Variants in MMP20 observed in about 807,000 individuals in gnomAD.
MMP20 encodes the protein matrix metalloproteinase-20.
A neutral mutation model predicts 51.8 loss-of-function variants in MMP20; 50 were observed. The ratio of observed to expected loss-of-function variants is 0.97; its 90% CI spans 0.77 to 1.22. The LOEUF (loss-of-function observed/expected upper bound fraction) is 1.22, where lower values mean the gene tolerates loss of function less well. Among genes scored for constraint, MMP20 ranks in the 50% most tolerant of loss-of-function variants. MMP20 has a pLI of 0.00. For synonymous variants in MMP20, 244 were observed against 216.2 expected (o/e 1.13, Z -1.13); for missense variants, 663 against 601.4 (o/e 1.10, Z -1.07).
At chr11:102,596,980 C>T (rs974163182) in intron 6 of MMP20, among the ~76,000 whole-genome samples, 3 of 152,152 alleles carry the variant, frequency 2.0e-5, no homozygotes, top group African/African-American at 7.2e-5. Context: ...CAAGTGTGTT[C>T]CAATTAATGC....
Position 102,620,955 on chromosome 11 carries a change from G to C in MMP20, c.127-3896C>G, listed in dbSNP as rs184696099. Among the ~76,000 whole-genome samples the C allele has an allele frequency of 3.9e-5, 6 of 152,314 alleles. 1 individual carries two copies. In the East Asian group the frequency reaches 1.2e-3, roughly 29 times the overall value. ...TTATTCAGCAGCTCTCTCATCAGCAGCTTTCTCACACTGTCCGCCCTGTTT... is the reference window on the plus strand; with the variant it reads ...TTATTCAGCAGCTCTCTCATCAGCACCTTTCTCACACTGTCCGCCCTGTTT... On this transcript the variant is annotated intron_variant, in intron 1 of 9. Coordinates refer to ENST00000260228, the MANE Select transcript of MMP20 (RefSeq NM_004771.4).
intron 8 of MMP20, among the ~76,000 whole-genome samples, chr11:102,590,124 T>A (rs968680549): frequency 1.3e-5 from 2 of 152,200 alleles, no homozygotes; most frequent in Non-Finnish European, 2.9e-5. Context: ...TGACACCCCC[T>A]GCTGCCAGAA....
At chr11:102,602,111 G>A (rs1425835148) in intron 6 of MMP20, among the ~76,000 whole-genome samples, 3 of 123,746 alleles carry the variant, frequency 2.4e-5, no homozygotes, top group Admixed American at 9.0e-5. Context: ...CACCACGCCC[G>A]GCTAATTTTT....
chr11:102,622,745 G>C (rs1490874133), intron 1 of MMP20, among the ~76,000 whole-genome samples: 2 of 152,192 alleles, frequency 1.3e-5, no homozygotes, highest in African/African-American at 4.8e-5. Flanking sequence ...CATAAGAACA[G>C]GGGCTTGATT....
chr11:102,620,993 C>G (rs1318406134), intron 1 of MMP20, among the ~76,000 whole-genome samples: 3 of 152,220 alleles, frequency 2.0e-5, no homozygotes, highest in African/African-American at 7.2e-5. Context: ...GCTGCTTGAG[C>G]CGGCTGCTCC....
At chr11:102,612,912 T>C (rs1859621596) in intron 2 of MMP20, among the ~76,000 whole-genome samples, 1 of 152,054 alleles carries the variant, frequency 6.6e-6, no homozygotes. Context: ...AATTTTTATA[T>C]TTTTGGTGGA....
intron 8 of MMP20, among the ~76,000 whole-genome samples, chr11:102,589,125 C>T (rs762146345): frequency 6.6e-6 from 1 of 152,148 alleles, no homozygotes. Context: ...TTTCCTTGGG[C>T]CATCGTTCTG....
At chr11:102,577,547 G>T in intron 9 of MMP20, 121 bp from the exon 10 acceptor site, 1 of 740,676 alleles carries the variant, frequency 1.4e-6, no homozygotes, top group Non-Finnish European at 2.4e-6. Context: ...TTTGTCAGGT[G>T]GCAGTTAGCT....
Sources: gnomAD v4.1 joint callset for allele counts (sites outside exome capture counted in the v4.1 genomes callset) on GRCh38, gnomAD v4.1.1 for gene constraint, MANE v1.5 for transcripts, NCBI Gene and HGNC (gene_info 2026-07-23, HGNC 2026-07-21) for gene names.